Variants in DIP2B observed in about 807,000 individuals in gnomAD.
DIP2B encodes the protein disco-interacting protein 2 homolog B.
In DIP2B, 76 loss-of-function variants were observed where a neutral mutation model predicts 198.0. The ratio of observed to expected loss-of-function variants is 0.38; its 90% confidence interval spans 0.32 to 0.46. The LOEUF is 0.46. Among genes scored for constraint, DIP2B ranks in the 20% least tolerant of loss-of-function variants. The pLI, the probability that DIP2B is intolerant of heterozygous loss-of-function variation, is 0.99. For missense variants in DIP2B, 1,559 were observed against 1,978.4 expected, an observed-to-expected ratio of 0.79 and a Z score of 4.02; for synonymous variants, 701 against 739.1, an observed-to-expected ratio of 0.95 and a Z score of 0.84.
chr12:50,548,021 A>C (rs1958392756), intron 1 of DIP2B, among the ~76,000 whole-genome samples: 1 of 152,206 alleles, frequency 6.6e-6, no homozygotes, highest in Admixed American at 6.5e-5. Flanking sequence ...GTGGGCTAGG[A>C]CAGCACTCCT....
At position 50,505,208 on chromosome 12, in the gene DIP2B, A is replaced by G. The variant is rs1438060161; in HGVS notation, c.68A>G (p.Gln23Arg). ...GCGCTGCCGCCTGAAGTGCGGGCGC[A>G]GCTGGCGGAGCTGGAGCTGGAGCTC... ...VAALPPEVRA[Q>R]LAELELELSE... The change falls in exon 1 of 38, where the codon CAG becomes CGG. Residue 23 changes from glutamine to arginine, a missense_variant. By Grantham distance (43) the Gln-to-Arg change is conservative. Transcript: ENST00000301180. The G allele has an allele frequency of 1.3e-5, 20 of 1,518,042 alleles. No individual in the cohort carries two copies. Among genetic ancestry groups the G allele is most frequent in the Non-Finnish European group, 1.8e-5 (20 of 1,139,292 alleles). The allele number at this position is 1,518,042 out of a possible 1,614,324, so 94.0% of individuals were successfully genotyped here.
chr12:50,522,586 G>T (rs1385858381), intron 1 of DIP2B, among the ~76,000 whole-genome samples: 1 of 152,190 alleles, frequency 6.6e-6, no homozygotes, highest in African/African-American at 2.4e-5. Context: ...TGGGGAGAAC[G>T]TGCAAACGCC....
intron 1 of DIP2B, among the ~76,000 whole-genome samples, chr12:50,547,027 C>T (rs1958383802): frequency 1.3e-5 from 2 of 152,178 alleles, no homozygotes; most frequent in Admixed American, 6.5e-5. Context: ...CTTATTTTTA[C>T]TCCCTTCTTT....
intron 22 of DIP2B, 75 bp downstream of exon 22, chr12:50,708,637 C>T: frequency 8.1e-7 from 1 of 1,227,944 alleles, no homozygotes; most frequent in Non-Finnish European, 1.2e-6. Context: ...TTTCTTCGAT[C>T]AGCCAGTAAT....
chr12:50,635,261 G>A (rs979312348), intron 2 of DIP2B, among the ~76,000 whole-genome samples: 2 of 152,056 alleles, frequency 1.3e-5, no homozygotes, highest in African/African-American at 4.8e-5. Context: ...CTTCATTTTT[G>A]AAGTGAATTG....
chr12:50,573,579 G>A (rs1958633732), intron 1 of DIP2B, among the ~76,000 whole-genome samples: 1 of 152,176 alleles, frequency 6.6e-6, no homozygotes, highest in African/African-American at 2.4e-5. Flanking sequence ...GGAATGATTT[G>A]TAGAAAAGCC....
chr12:50,714,278 T>C, intron 22 of DIP2B, 117 bp from the exon 23 acceptor site: 1 of 1,064,134 alleles, frequency 9.4e-7, no homozygotes, highest in South Asian at 1.5e-5. Context: ...TGCCAGATTC[T>C]AGATCTAGAA....
Position 50,685,865 on chromosome 12 carries a change from A to G in DIP2B, c.1350A>G (p.Leu450=), listed in dbSNP as rs532950713. The G allele has an allele frequency of 2.5e-6, 4 of 1,613,858 alleles. No individual in the cohort carries two copies. The highest frequency in any genetic ancestry group is 1.3e-5 in the African/African-American group (1 of 75,048). The part of the protein sequence containing the change: ...DAGGQQIGFL[L]GSCGIALALT... ...GAGGTCAGCAGATTGGCTTCTTGCT[A>G]GGAAGCTGTGGTATTGCCTTAGCTC... The change falls in exon 11 of 38, where the codon CTA becomes CTG. Residue 450 remains leucine (L), a synonymous_variant. Transcript: ENST00000301180.
At chr12:50,581,792 A>G (rs1958726668) in intron 1 of DIP2B, among the ~76,000 whole-genome samples, 1 of 152,212 alleles carries the variant, frequency 6.6e-6, no homozygotes, top group African/African-American at 2.4e-5. Context: ...TCTTGGCTGA[A>G]AGGAAAGTTA....
intron 1 of DIP2B, among the ~76,000 whole-genome samples, chr12:50,549,697 T>TAAAAAAAAAA (rs56326368): frequency 3.1e-5 from 2 of 64,770 alleles, no homozygotes; most frequent in Non-Finnish European, 5.5e-5. Context: ...GACTCCATCT[T>TAAAAAAAAAA]AAAAAAAAAA....
intron 4 of DIP2B, among the ~76,000 whole-genome samples, chr12:50,669,165 G>C (rs980760452): frequency 6.6e-6 from 1 of 152,038 alleles, no homozygotes; most frequent in Non-Finnish European, 1.5e-5. Context: ...CCGTTTCTTA[G>C]CATCTGTTTT....
intron 1 of DIP2B, among the ~76,000 whole-genome samples, chr12:50,533,330 A>G (rs2139365792): frequency 6.6e-6 from 1 of 152,332 alleles, no homozygotes. Flanking sequence ...AGTTGAAATT[A>G]AATAACCCAA....
intron 12 of DIP2B, 148 bp from the exon 13 acceptor site, chr12:50,690,901 C>T (rs1939212262): frequency 3.2e-6 from 2 of 621,192 alleles, no homozygotes; most frequent in Non-Finnish European, 2.8e-6. Context: ...GTTTGAGACC[C>T]TAGTACATTG....
chr12:50,673,585 GAGACCA>G (rs1277862232), intron 5 of DIP2B, among the ~76,000 whole-genome samples: 1 of 152,056 alleles, frequency 6.6e-6, no homozygotes, highest in Admixed American at 6.6e-5. Flanking sequence ...CCAGGAGTTC[GAGACCA>G]GCCTGGGCAG....
At chr12:50,542,909 C>T (rs1958339469) in intron 1 of DIP2B, among the ~76,000 whole-genome samples, 1 of 152,038 alleles carries the variant, frequency 6.6e-6, no homozygotes, top group African/African-American at 2.4e-5. Flanking sequence ...ATTGTGTTGC[C>T]CAGGCTGGAG....
At chr12:50,583,953 A>G (rs1031827236) in intron 1 of DIP2B, among the ~76,000 whole-genome samples, 20 of 152,088 alleles carry the variant, frequency 1.3e-4, no homozygotes, top group African/African-American at 4.8e-4. Context: ...TGGAAGCACC[A>G]AGGTCCCCAG....
intron 2 of DIP2B, among the ~76,000 whole-genome samples, chr12:50,633,636 C>T (rs1034286943): frequency 6.6e-6 from 1 of 152,128 alleles, no homozygotes; most frequent in East Asian, 1.9e-4. Context: ...TGTGGTGGCG[C>T]GCACCTGTGG....
intron 3 of DIP2B, among the ~76,000 whole-genome samples, chr12:50,652,414 A>C (rs981914859): frequency 6.7e-6 from 1 of 149,904 alleles, no homozygotes; most frequent in Non-Finnish European, 1.5e-5. Context: ...GCACGTGCCC[A>C]TAGTCCCAGC....
intron 37 of DIP2B, 79 bp from the exon 38 acceptor site, chr12:50,744,508 G>C: frequency 6.4e-7 from 1 of 1,573,240 alleles, no homozygotes. Context: ...CGGGGAAATG[G>C]GCTAAGTCTG....
Sources: allele counts gnomAD v4.1 joint callset (sites outside exome capture counted in the v4.1 genomes callset), GRCh38; gene constraint gnomAD v4.1.1; transcripts MANE v1.5; gene names NCBI Gene and HGNC (gene_info 2026-07-23, HGNC 2026-07-21).